Variants in CDC14B observed in about 807,000 individuals in gnomAD.
The protein encoded by CDC14B is cell division cycle 14B.
Under a neutral mutation model 64.2 loss-of-function variants are expected in CDC14B, and 22 were observed. That is an observed-to-expected ratio of 0.34 (90% CI 0.24 to 0.49). CDC14B has a LOEUF of 0.49. Ranked by LOEUF, CDC14B falls within the 20% of genes least tolerant of loss-of-function variation. CDC14B has a pLI of 0.99. For synonymous variants in CDC14B, 191 were observed against 215.8 expected (o/e 0.89, Z 1.01); for missense variants, 498 against 629.9 (o/e 0.79, Z 2.24).
rs1351091658 is a variant in CDC14B, at chr9:96,502,221, C to T, written c.*1532G>A. 1 of 152,164 alleles carries T rather than the reference C, an allele frequency of 6.6e-6. No individual in the cohort carries two copies. The highest frequency in any genetic ancestry group is 1.5e-5 in the Non-Finnish European group (1 of 68,028). 9.4% of individuals were successfully genotyped at this position (152,164 alleles called of 1,614,324 possible). Reference sequence around the variant, plus strand: ...ACAGTGCCTGGCGGGGAAAGAGTTGCTTGTTTGGCTGAGAACACGGCATCT... The same window carrying T: ...ACAGTGCCTGGCGGGGAAAGAGTTGTTTGTTTGGCTGAGAACACGGCATCT... On this transcript the variant is annotated 3_prime_UTR_variant, in exon 14 of 14. Coordinates refer to ENST00000375241, the MANE Select transcript of CDC14B (RefSeq NM_033331.4).
At chr9:96,493,822 C>T (rs1833147057) in intron 13 of CDC14B, among the ~76,000 whole-genome samples, 1 of 152,172 alleles carries the variant, frequency 6.6e-6, no homozygotes. Context: ...AAAACTTCAT[C>T]TCTTAAAAAA....
At chr9:96,541,915 T>A (rs1456628459) in intron 5 of CDC14B, 23 bp from the exon 6 acceptor site, 17 of 1,558,464 alleles carry the variant, frequency 1.1e-5, no homozygotes, top group Non-Finnish European at 1.5e-5. Flanking sequence ...AGTAATAAAA[T>A]GTAGATCAGT....
At chr9:96,567,089 C>A in intron 1 of CDC14B, 1 of 831,546 alleles carries the variant, frequency 1.2e-6, no homozygotes, top group South Asian at 1.9e-5. Flanking sequence ...CCCGCCTGGC[C>A]GCCCGCCTTC....
In CDC14B at chr9:96,509,669, T is replaced by C. The variant is rs1834639486; in HGVS notation, c.1460+4A>G. On this transcript the variant is annotated splice_donor_region_variant and intron_variant, in intron 13 of 13. Coordinates refer to ENST00000375241, the MANE Select transcript of CDC14B (RefSeq NM_033331.4). ...TTTTCAGAAGAGTAGGATTCTTTTC[T>C]CACCTTTTAACACTGCTTTTCCTTG... 2 of 1,557,182 alleles carry C rather than the reference T, an allele frequency of 1.3e-6. No individual in the cohort carries two copies. The highest frequency in any genetic ancestry group is 1.7e-5 in the Admixed American group (1 of 59,700).
chr9:96,508,232 T>C (rs1834429224), intron 13 of CDC14B, among the ~76,000 whole-genome samples: 1 of 152,046 alleles, frequency 6.6e-6, no homozygotes, highest in South Asian at 2.1e-4. Context: ...GCCAGGCTGG[T>C]CTCAAACTCC....
At chr9:96,563,172 G>A (rs1250224374) in intron 3 of CDC14B, among the ~76,000 whole-genome samples, 2 of 152,162 alleles carry the variant, frequency 1.3e-5, no homozygotes, top group Admixed American at 6.5e-5. Context: ...TTATAAGCCA[G>A]GGCAGTGAAT....
intron 1 of CDC14B, among the ~76,000 whole-genome samples, chr9:96,574,812 C>T (rs1844706629): frequency 6.6e-6 from 1 of 150,524 alleles, no homozygotes; most frequent in Non-Finnish European, 1.5e-5. Flanking sequence ...TGTATAAAAC[C>T]AATAAAGTGT....
chr9:96,519,692 T>C (rs977564724), intron 12 of CDC14B, among the ~76,000 whole-genome samples: 2 of 142,800 alleles, frequency 1.4e-5, no homozygotes, highest in African/African-American at 5.3e-5. Flanking sequence ...GGGCACACCA[T>C]TGCACTCCAG....
At chr9:96,595,840 G>C (rs1846038684) in intron 1 of CDC14B, among the ~76,000 whole-genome samples, 2 of 152,106 alleles carry the variant, frequency 1.3e-5, no homozygotes, top group Admixed American at 1.3e-4. Flanking sequence ...TTGGGTATGA[G>C]CATTTTTGAG....
At chr9:96,547,484 A>G (rs1841113511) in intron 5 of CDC14B, among the ~76,000 whole-genome samples, 1 of 151,554 alleles carries the variant, frequency 6.6e-6, no homozygotes, top group Admixed American at 6.6e-5. Context: ...AAAAAAAGAT[A>G]CGGTCTTGTT....
intron 6 of CDC14B, among the ~76,000 whole-genome samples, chr9:96,539,413 C>T (rs975906910): frequency 1.3e-5 from 2 of 152,114 alleles, no homozygotes; most frequent in African/African-American, 2.4e-5. Flanking sequence ...CACCAGTCAT[C>T]CTATCCATGT....
At chr9:96,509,466 T>C (rs1460619075) in intron 13 of CDC14B, among the ~76,000 whole-genome samples, 1 of 152,206 alleles carries the variant, frequency 6.6e-6, no homozygotes, top group Admixed American at 6.5e-5. Flanking sequence ...GTGTTGAGAA[T>C]TACTTCTAAA....
intron 13 of CDC14B, among the ~76,000 whole-genome samples, chr9:96,508,590 A>G (rs1156842047): frequency 6.6e-6 from 1 of 152,286 alleles, no homozygotes; most frequent in Non-Finnish European, 1.5e-5. Flanking sequence ...TCCTGGAATC[A>G]TGAGTCAGTG....
intron 1 of CDC14B, among the ~76,000 whole-genome samples, chr9:96,578,496 T>C (rs1339304473): frequency 6.6e-6 from 1 of 152,238 alleles, no homozygotes; most frequent in East Asian, 1.9e-4. Context: ...TTCATGTACC[T>C]CTGACAAGAT....
intron 1 of CDC14B, among the ~76,000 whole-genome samples, chr9:96,576,020 A>G (rs1254280778): frequency 6.6e-6 from 1 of 152,260 alleles, no homozygotes; most frequent in Non-Finnish European, 1.5e-5. Context: ...TCGCGCCTGT[A>G]ATCCCAGCAC....
intron 1 of CDC14B, among the ~76,000 whole-genome samples, chr9:96,597,318 AC>A (rs1464339442): frequency 6.6e-6 from 1 of 151,994 alleles, no homozygotes; most frequent in African/African-American, 2.4e-5. Flanking sequence ...ACATGGTGAA[AC>A]CCCGTCTCTA....
chr9:96,563,701 A>G (rs925740779), intron 3 of CDC14B, among the ~76,000 whole-genome samples: 10 of 151,774 alleles, frequency 6.6e-5, no homozygotes, highest in African/African-American at 2.4e-4. Context: ...GGACTGATAC[A>G]TTTTTGGTTG....
rs540391957 is a variant in CDC14B, at chr9:96,531,867, A to C, written c.946+2060T>G. On this transcript the variant is annotated intron_variant, in intron 9 of 13. Transcript: ENST00000375241. ...AGAAATCTTTATTTCCTCTTCTCAA[A>C]TGGCTGTGTGTTACTGTCTAGTGTG... Among the ~76,000 whole-genome samples the C allele has an allele frequency of 2.6e-5, 4 of 152,132 alleles. No individual in the cohort carries two copies. The South Asian group carries it at 8.3e-4, about 32-fold the overall frequency.
intron 9 of CDC14B, among the ~76,000 whole-genome samples, chr9:96,525,742 A>G (rs533032111): frequency 6.6e-6 from 1 of 152,154 alleles, no homozygotes; most frequent in Non-Finnish European, 1.5e-5. Flanking sequence ...GCTGGGAGGA[A>G]TTATGCCTCA....
Sources: gnomAD v4.1 joint callset for allele counts (sites outside exome capture counted in the v4.1 genomes callset) on GRCh38, gnomAD v4.1.1 for gene constraint, MANE v1.5 for transcripts, NCBI Gene and HGNC (gene_info 2026-07-23, HGNC 2026-07-21) for gene names.